SGCZ: variants seen among roughly 807,000 people sequenced by gnomAD.
SGCZ encodes zeta-sarcoglycan.
A neutral mutation model predicts 41.3 loss-of-function variants in SGCZ; 40 were observed. That is an observed-to-expected ratio of 0.97 (90% CI 0.75 to 1.26). SGCZ has a LOEUF of 1.26. Among genes scored for constraint, SGCZ ranks in the 50% most tolerant of loss-of-function variants. SGCZ has a pLI of 0.00. For synonymous variants in SGCZ, 206 were observed against 137.5 expected (o/e 1.50, Z -3.49); for missense variants, 552 against 369.8 (o/e 1.49, Z -4.04).
intron 2 of SGCZ, among the ~76,000 whole-genome samples, chr8:14,445,576 T>C (rs973049843): frequency 3.3e-5 from 5 of 152,062 alleles, no homozygotes; most frequent in Non-Finnish European, 7.4e-5. Flanking sequence ...CTGAAAACCA[T>C]TTCCACCACT....
chr8:14,407,065 C>CTTT (rs67046431), intron 2 of SGCZ, among the ~76,000 whole-genome samples: 35 of 87,160 alleles, frequency 4.0e-4, no homozygotes, highest in African/African-American at 1.0e-3. Flanking sequence ...ATGAGTTTTC[C>CTTT]TTTTTTTTTT....
intron 4 of SGCZ, among the ~76,000 whole-genome samples, chr8:14,200,206 C>G (rs1000937060): frequency 3.3e-5 from 5 of 151,978 alleles, no homozygotes; most frequent in Non-Finnish European, 5.9e-5. Context: ...AAGAACACAA[C>G]CAAAGAAGAT....
At chr8:14,912,190 C>A (rs923142783) in intron 1 of SGCZ, among the ~76,000 whole-genome samples, 1 of 151,924 alleles carries the variant, frequency 6.6e-6, no homozygotes, top group Non-Finnish European at 1.5e-5. Context: ...AAAACATTAC[C>A]TTTGGAAGTC....
intron 1 of SGCZ, among the ~76,000 whole-genome samples, chr8:15,158,971 T>C (rs1318078049): frequency 6.6e-6 from 1 of 152,182 alleles, no homozygotes; most frequent in African/African-American, 2.4e-5. Flanking sequence ...ATCCTTAAAA[T>C]CTCCAAAGTG....
At chr8:14,424,685 C>A (rs550968119) in intron 2 of SGCZ, among the ~76,000 whole-genome samples, 18 of 152,286 alleles carry the variant, frequency 1.2e-4, no homozygotes, top group African/African-American at 4.3e-4. Context: ...TTTAACCAAT[C>A]ATCTGTTAAT....
chr8:14,296,777 G>GGGGT (rs1801026883), intron 3 of SGCZ, among the ~76,000 whole-genome samples: 1 of 151,646 alleles, frequency 6.6e-6, no homozygotes, highest in Admixed American at 6.6e-5. Context: ...GTAATAAAAG[G>GGGGT]GGGTCAAATA....
intron 1 of SGCZ, among the ~76,000 whole-genome samples, chr8:14,851,744 T>C (rs1328441461): frequency 2.0e-5 from 3 of 152,308 alleles, no homozygotes; most frequent in African/African-American, 2.4e-5. Context: ...GTCATTATTA[T>C]CATAGTCTAA....
intron 5 of SGCZ, among the ~76,000 whole-genome samples, chr8:14,124,570 C>G (rs760573028): frequency 5.3e-5 from 8 of 152,128 alleles, no homozygotes; most frequent in Non-Finnish European, 4.4e-5. Flanking sequence ...TACTGTTTTA[C>G]CAAATTGATT....
At chr8:14,110,723 C>T (rs1386288198) in intron 5 of SGCZ, among the ~76,000 whole-genome samples, 3 of 152,012 alleles carry the variant, frequency 2.0e-5, no homozygotes, top group Admixed American at 1.3e-4. Flanking sequence ...TGATAAAAGC[C>T]ACCTGAACCA....
chr8:14,787,893 C>G (rs1300377133), intron 1 of SGCZ, among the ~76,000 whole-genome samples: 1 of 152,054 alleles, frequency 6.6e-6, no homozygotes, highest in East Asian at 1.9e-4. Flanking sequence ...AATAACATAG[C>G]CAAATGTTTC....
chr8:14,793,839 A>G (rs541664857), intron 1 of SGCZ, among the ~76,000 whole-genome samples: 3 of 152,292 alleles, frequency 2.0e-5, no homozygotes, highest in Non-Finnish European at 2.9e-5. Context: ...AAGCTGAAAT[A>G]GAGGATCTTG....
chr8:15,080,628 G>T (rs1805708417), intron 1 of SGCZ, among the ~76,000 whole-genome samples: 1 of 152,006 alleles, frequency 6.6e-6, no homozygotes, highest in Non-Finnish European at 1.5e-5. Context: ...GTCTTGCTCT[G>T]TCACCAGGCT....
At chr8:14,177,958 C>CTTTTCTTTTTTTTTCTTTTTTTT (rs767919994) in intron 4 of SGCZ, among the ~76,000 whole-genome samples, 5 of 95,050 alleles carry the variant, frequency 5.3e-5, no homozygotes, top group African/African-American at 1.1e-4. Context: ...CTTTTTTTTT[C>CTTTTCTTTTTTTTTCTTTTTTTT]TTTTTTTTTT....
At chr8:14,544,688 G>A (rs185324772) in intron 2 of SGCZ, among the ~76,000 whole-genome samples, 6 of 152,144 alleles carry the variant, frequency 3.9e-5, no homozygotes, top group Admixed American at 3.9e-4. Flanking sequence ...ACTCCACCCT[G>A]GTAAATTTGT....
intron 4 of SGCZ, among the ~76,000 whole-genome samples, chr8:14,202,444 A>G (rs886828252): frequency 6.6e-6 from 1 of 152,148 alleles, no homozygotes; most frequent in Non-Finnish European, 1.5e-5. Context: ...TGCAGCAGCC[A>G]TAGATAACGA....
chr8:14,530,762 C>A (rs1803103409), intron 2 of SGCZ, among the ~76,000 whole-genome samples: 1 of 145,288 alleles, frequency 6.9e-6, no homozygotes, highest in African/African-American at 2.4e-5. Flanking sequence ...GCTGGACCAT[C>A]CCTTTAGCCC....
intron 1 of SGCZ, among the ~76,000 whole-genome samples, chr8:14,742,090 A>C (rs886458121): frequency 2.0e-5 from 3 of 152,040 alleles, no homozygotes; most frequent in Admixed American, 6.6e-5. Flanking sequence ...GGGAAAAAAA[A>C]CCTAGATTTC....
rs575223398 is a variant in SGCZ, at chr8:14,086,866, T to A, written c.*3577A>T. 5.9e-5 allele frequency among the ~76,000 whole-genome samples: 9 copies of A among 151,774 alleles called. No individual in the cohort carries two copies. The East Asian group carries it at 1.6e-3, about 26-fold the overall frequency. ...CAGATATGGCTACTTAACCTAAGAT[T>A]TATGAGTGCTTCCTTAACTGAATCA... On this transcript the variant is annotated 3_prime_UTR_variant, in exon 8 of 8. Coordinates refer to ENST00000382080, the MANE Select transcript of SGCZ (RefSeq NM_139167.4).
intron 5 of SGCZ, among the ~76,000 whole-genome samples, 159 bp downstream of exon 5, chr8:14,164,421 C>T (rs533303083): frequency 6.6e-6 from 1 of 152,282 alleles, no homozygotes; most frequent in East Asian, 1.9e-4. Flanking sequence ...CAACCACAAC[C>T]AGTGCCTTCC....
Sources: allele counts gnomAD v4.1 joint callset (sites outside exome capture counted in the v4.1 genomes callset), GRCh38; gene constraint gnomAD v4.1.1; transcripts MANE v1.5; gene names NCBI Gene and HGNC (gene_info 2026-07-23, HGNC 2026-07-21).